Variants in NDUFB5 observed in about 807,000 individuals in gnomAD.
The protein encoded by NDUFB5 is NADH dehydrogenase [ubiquinone] 1 beta subcomplex subunit 5, mitochondrial.
NDUFB5 carries 19 observed loss-of-function variants against 19.4 expected under a neutral mutation model. The ratio of observed to expected loss-of-function variants is 0.98; its 90% CI spans 0.68 to 1.43. The LOEUF is 1.43. Among genes scored for constraint, NDUFB5 ranks in the 40% most tolerant of loss-of-function variants. The probability of loss-of-function intolerance (pLI) is 0.00; values close to 1 mark genes in which losing one functional copy is unlikely to be tolerated. For synonymous variants in NDUFB5, 80 were observed against 82.6 expected (o/e 0.97, Z 0.17); for missense variants, 233 against 236.5 (o/e 0.99, Z 0.10).
intron 1 of NDUFB5, among the ~76,000 whole-genome samples, chr3:179,608,866 A>T (rs1372269486): frequency 6.6e-6 from 1 of 152,136 alleles, no homozygotes; most frequent in Non-Finnish European, 1.5e-5. Flanking sequence ...GTTTAATCCT[A>T]AATGGGTTCT....
rs1374590718 is a variant in NDUFB5, at chr3:179,618,408, C to G, written c.343-7C>G. The stretch of plus-strand genomic sequence containing the variant: ...TGGACTAATATTAAACGAATTTTCT[C>G]TTGTAGCATCCCATATCAAGATGGA... On this transcript the variant is annotated splice_polypyrimidine_tract_variant and splice_region_variant and intron_variant, in intron 4 of 5. Coordinates refer to ENST00000259037, the MANE Select transcript of NDUFB5 (RefSeq NM_002492.4). The G allele has an allele frequency of 6.3e-7, 1 of 1,575,368 alleles. No individual in the cohort carries two copies. The highest frequency in any genetic ancestry group is 8.7e-7 in the Non-Finnish European group (1 of 1,155,650).
intron 5 of NDUFB5, among the ~76,000 whole-genome samples, chr3:179,623,217 C>T (rs919396068): frequency 4.6e-5 from 7 of 152,200 alleles, no homozygotes; most frequent in Non-Finnish European, 8.8e-5. Flanking sequence ...ACACCTGGCA[C>T]AGCATATGGC....
At chr3:179,619,080 A>T (rs990965904) in intron 5 of NDUFB5, among the ~76,000 whole-genome samples, 5 of 151,840 alleles carry the variant, frequency 3.3e-5, no homozygotes, top group African/African-American at 1.2e-4. Flanking sequence ...AAAGAAAGGG[A>T]TATATGCTGT....
At chr3:179,615,961 A>G in intron 2 of NDUFB5, 22 bp from the exon 3 acceptor site, 1 of 1,579,704 alleles carries the variant, frequency 6.3e-7, no homozygotes, top group Non-Finnish European at 8.7e-7. Context: ...GGTCATGAGA[A>G]ACACTTTTTT....
Position 179,614,996 on chromosome 3 carries a change from T to G in NDUFB5, c.150T>G (p.His50Gln). ...AAAPVRHSGDHGKRLFVIRPS... is the reference protein window; with the variant it reads ...AAAPVRHSGDQGKRLFVIRPS... ...CTCCTGTTCGACACAGTGGAGACCATGGGAAAAGACTATTTGTCATCAGAC... is the reference window on the plus strand; with the variant it reads ...CTCCTGTTCGACACAGTGGAGACCAGGGGAAAAGACTATTTGTCATCAGAC... Residue 50 changes from histidine (H) to glutamine (Q), a missense_variant, in exon 2 of 6, where the codon CAT (histidine) becomes CAG (glutamine). His to Gln is a conservative substitution (Grantham distance 24). Transcript: ENST00000259037. 1 of 1,610,014 alleles carries G rather than the reference T, an allele frequency of 6.2e-7. No homozygotes were observed. The highest frequency in any genetic ancestry group is 1.1e-5 in the South Asian group (1 of 90,556).
intron 1 of NDUFB5, among the ~76,000 whole-genome samples, chr3:179,605,208 A>G (rs577242944): frequency 2.0e-5 from 3 of 152,216 alleles, no homozygotes; most frequent in Admixed American, 2.0e-4. Flanking sequence ...CTAGAAAGGT[A>G]TAGAGCTGAG....
intron 1 of NDUFB5, 56 bp from the exon 2 acceptor site, chr3:179,614,915 T>C: frequency 1.7e-6 from 2 of 1,186,068 alleles, no homozygotes; most frequent in South Asian, 2.8e-5. Context: ...TAACTCAGAA[T>C]ATAACAGTAT....
intron 1 of NDUFB5, among the ~76,000 whole-genome samples, chr3:179,608,930 T>C (rs956307080): frequency 9.2e-5 from 14 of 152,216 alleles, no homozygotes; most frequent in Non-Finnish European, 1.9e-4. Context: ...TCTTGGCCTC[T>C]TAAAGTGTTG....
intron 1 of NDUFB5, among the ~76,000 whole-genome samples, chr3:179,610,804 G>T (rs1476134488): frequency 6.6e-6 from 1 of 152,184 alleles, no homozygotes; most frequent in Non-Finnish European, 1.5e-5. Flanking sequence ...CCCCTCAGCT[G>T]CAGGTAAATT....
intron 3 of NDUFB5, 62 bp from the exon 4 acceptor site, chr3:179,616,921 T>C (rs1047499867): frequency 3.1e-6 from 4 of 1,294,068 alleles, no homozygotes; most frequent in African/African-American, 3.0e-5. Context: ...ACTTTAATGG[T>C]GAATAATTAA....
Position 179,616,056 on chromosome 3 carries a change from C to A in NDUFB5, c.280+7C>A, listed in dbSNP as rs766834227. Reference sequence around the variant, plus strand: ...CTGGTGAATGTATTCATTGGTAAGTCACTTCCATCCCCTGCCAGCACCACC... The same window carrying A: ...CTGGTGAATGTATTCATTGGTAAGTAACTTCCATCCCCTGCCAGCACCACC... On this transcript the variant is annotated splice_region_variant and intron_variant, in intron 3 of 5. Transcript: ENST00000259037. The A allele has an allele frequency of 1.2e-6, 2 of 1,610,062 alleles. No individual in the cohort carries two copies. Among genetic ancestry groups the A allele is most frequent in the Admixed American group, 1.7e-5 (1 of 59,362 alleles).
chr3:179,611,465 T>C (rs1446133072), intron 1 of NDUFB5, among the ~76,000 whole-genome samples: 2 of 150,560 alleles, frequency 1.3e-5, no homozygotes, highest in Admixed American at 1.3e-4. Flanking sequence ...CAGGCTGGAG[T>C]GTAGTGGCGC....
intron 3 of NDUFB5, 80 bp from the exon 4 acceptor site, chr3:179,616,903 G>T (rs1416447114): frequency 2.9e-6 from 3 of 1,031,826 alleles, no homozygotes; most frequent in Admixed American, 2.2e-5. Context: ...ACAAGAAGTT[G>T]GTTTCTTACT....
chr3:179,621,498 T>C (rs1195848354), intron 5 of NDUFB5, among the ~76,000 whole-genome samples: 1 of 146,444 alleles, frequency 6.8e-6, no homozygotes, highest in African/African-American at 2.5e-5. Flanking sequence ...TTCTTTTTCT[T>C]TTTTTTTTTT....
intron 1 of NDUFB5, among the ~76,000 whole-genome samples, 156 bp downstream of exon 1, chr3:179,605,095 G>A (rs1240154130): frequency 6.6e-6 from 1 of 152,124 alleles, no homozygotes. Flanking sequence ...TATATGAGGG[G>A]TTTTCCTGAA....
chr3:179,607,680 CT>C (rs757501356), intron 1 of NDUFB5: 399 of 690,136 alleles, frequency 5.8e-4, no homozygotes, highest in Admixed American at 1.5e-3. Flanking sequence ...CATCATCCAA[CT>C]CCAGAACTTT....
At chr3:179,618,883 T>G (rs1447132535) in intron 5 of NDUFB5, among the ~76,000 whole-genome samples, 2 of 151,252 alleles carry the variant, frequency 1.3e-5, no homozygotes, top group East Asian at 3.9e-4. Flanking sequence ...AAGATAGAAT[T>G]AGCTTGTTTG....
chr3:179,619,998 T>C (rs1719491391), intron 5 of NDUFB5, among the ~76,000 whole-genome samples: 1 of 152,252 alleles, frequency 6.6e-6, no homozygotes, highest in African/African-American at 2.4e-5. Flanking sequence ...AATGTCTTCT[T>C]TTGAGAAGTG....
At chr3:179,623,840 A>C in intron 5 of NDUFB5, 80 bp from the exon 6 acceptor site, 1 of 1,542,448 alleles carries the variant, frequency 6.5e-7, no homozygotes, top group Non-Finnish European at 9.0e-7. Context: ...GACTCCAGTG[A>C]TTGTCCTTTA....
Sources: allele counts gnomAD v4.1 joint callset (sites outside exome capture counted in the v4.1 genomes callset), GRCh38; gene constraint gnomAD v4.1.1; transcripts MANE v1.5; gene names NCBI Gene and HGNC (gene_info 2026-07-23, HGNC 2026-07-21).